CAPN7: variants seen among roughly 807,000 people sequenced by gnomAD.
CAPN7 encodes calpain 7, also known as calpain-7.
CAPN7 carries 72 observed loss-of-function variants against 115.2 expected under a neutral mutation model. That is an observed-to-expected ratio of 0.63 (90% CI 0.52 to 0.76). CAPN7 has a LOEUF of 0.76. CAPN7 is among the 30% of genes least tolerant of loss of function. The pLI, the probability that CAPN7 is intolerant of heterozygous loss-of-function variation, is 0.00. For synonymous variants in CAPN7, 344 were observed against 322.3 expected (o/e 1.07, Z -0.72); for missense variants, 905 against 971.5 (o/e 0.93, Z 0.91).
chr3:15,245,916 T>C (rs1445500655), intron 17 of CAPN7: 1 of 368,322 alleles, frequency 2.7e-6, no homozygotes, highest in Admixed American at 4.6e-5. Flanking sequence ...CGTGGTAATA[T>C]AGTATGTTGG....
intron 1 of CAPN7, among the ~76,000 whole-genome samples, chr3:15,210,167 AT>A (rs556065350): frequency 5.7e-4 from 83 of 146,510 alleles, no homozygotes; most frequent in Middle Eastern, 3.5e-3. Flanking sequence ...TACCTGGCTA[AT>A]TTTTTTTTTT....
intron 15 of CAPN7, among the ~76,000 whole-genome samples, 161 bp downstream of exon 15, chr3:15,241,749 A>G (rs1418180598): frequency 6.6e-6 from 1 of 152,198 alleles, no homozygotes; most frequent in Non-Finnish European, 1.5e-5. Flanking sequence ...GGAAATTTGT[A>G]TTTTATAATT....
chr3:15,236,031 C>T (rs1252666368), intron 12 of CAPN7, among the ~76,000 whole-genome samples: 1 of 152,100 alleles, frequency 6.6e-6, no homozygotes, highest in Admixed American at 6.6e-5. Flanking sequence ...ATTAGCTGGG[C>T]ATGGTGCCAT....
chr3:15,244,490 C>A (rs778514892), intron 16 of CAPN7, among the ~76,000 whole-genome samples: 11 of 152,166 alleles, frequency 7.2e-5, no homozygotes, highest in Non-Finnish European at 1.6e-4. Context: ...AAACCTTGTT[C>A]AAGATCCACA....
At chr3:15,230,588 T>A in intron 9 of CAPN7, 53 bp downstream of exon 9, 2 of 1,045,742 alleles carry the variant, frequency 1.9e-6, no homozygotes, top group Non-Finnish European at 3.0e-6. Context: ...GTTCCCTACC[T>A]TTGAATCTTG....
intron 9 of CAPN7, among the ~76,000 whole-genome samples, chr3:15,231,564 CTG>C (rs1370741270): frequency 2.6e-5 from 4 of 151,436 alleles, no homozygotes; most frequent in Non-Finnish European, 5.9e-5. Flanking sequence ...GAGTCTCACT[CTG>C]TCACCCAGGC....
At chr3:15,247,233 GC>G in intron 18 of CAPN7, 93 bp from the exon 19 acceptor site, 1 of 874,552 alleles carries the variant, frequency 1.1e-6, no homozygotes, top group Non-Finnish European at 1.6e-6. Context: ...GTGGAAAATT[GC>G]CTTTTTTTTT....
intron 6 of CAPN7, among the ~76,000 whole-genome samples, chr3:15,225,138 T>C (rs1467059453): frequency 6.6e-6 from 1 of 152,228 alleles, no homozygotes; most frequent in African/African-American, 2.4e-5. Context: ...TGCTGTTATA[T>C]AGCAAGCACT....
chr3:15,251,029 G>C lies in CAPN7; in HGVS notation c.2297+6G>C, dbSNP rs1346343027. The stretch of plus-strand genomic sequence containing the variant: ...AAATCTAGTGGTGACTATAGGTAAT[G>C]TTGGCATTTTTATTGTATCTATTTT... On this transcript the variant is annotated splice_donor_region_variant and intron_variant, in intron 20 of 20. Transcript: ENST00000253693. 1 of 1,608,238 alleles carries C rather than the reference G, an allele frequency of 6.2e-7. No homozygotes were observed. The highest frequency in any genetic ancestry group is 8.5e-7 in the Non-Finnish European group (1 of 1,175,678).
chr3:15,238,443 A>G (rs371693404), intron 12 of CAPN7, among the ~76,000 whole-genome samples: 2 of 151,966 alleles, frequency 1.3e-5, no homozygotes, highest in South Asian at 2.1e-4. Context: ...AAATATTTCC[A>G]TATTTGATTC....
At chr3:15,245,355 CTG>C (rs1177117707) in intron 16 of CAPN7, among the ~76,000 whole-genome samples, 169 bp from the exon 17 acceptor site, 1 of 151,912 alleles carries the variant, frequency 6.6e-6, no homozygotes, top group Non-Finnish European at 1.5e-5. Flanking sequence ...TTATTAGGAA[CTG>C]TTTAATTTTA....
In CAPN7 at chr3:15,240,589, T is replaced by C; in HGVS notation, c.1524T>C (p.Asp508=). The C allele has an allele frequency of 1.9e-6, 3 of 1,608,844 alleles. No homozygotes were observed. Among genetic ancestry groups the C allele is most frequent in the Non-Finnish European group, 2.5e-6 (3 of 1,178,658 alleles). The change falls in exon 13 of 21, where the codon GAT becomes GAC. Residue 508 remains aspartate, a synonymous_variant. Coordinates refer to ENST00000253693, the MANE Select transcript of CAPN7 (RefSeq NM_014296.3). Reference sequence around the variant, plus strand: ...AGTTGCAAAAGTATTTAAACTTTGATCCCCGAACAGCTCAGAAAATAGACA... The same window carrying C: ...AGTTGCAAAAGTATTTAAACTTTGACCCCCGAACAGCTCAGAAAATAGACA... ...TPELQKYLNF[D]PRTAQKIDNG...
intron 19 of CAPN7, among the ~76,000 whole-genome samples, 191 bp downstream of exon 19, chr3:15,247,648 G>A (rs1218344295): frequency 6.6e-6 from 1 of 152,084 alleles, no homozygotes; most frequent in Non-Finnish European, 1.5e-5. Flanking sequence ...TGTGTAAAAA[G>A]GGTAATTAGA....
intron 19 of CAPN7, among the ~76,000 whole-genome samples, chr3:15,248,244 C>T (rs2125015577): frequency 6.6e-6 from 1 of 151,838 alleles, no homozygotes; most frequent in South Asian, 2.1e-4. Flanking sequence ...TCCAGATGGC[C>T]AGTAAACCAT....
intron 6 of CAPN7, among the ~76,000 whole-genome samples, chr3:15,224,032 C>G (rs1241665664): frequency 6.6e-6 from 1 of 152,068 alleles, no homozygotes; most frequent in African/African-American, 2.4e-5. Flanking sequence ...TTCAGGAGTC[C>G]GAGCTTGTAG....
Position 15,223,553 on chromosome 3 carries a change from G to A in CAPN7, c.717G>A (p.Met239Ile). The part of the protein sequence containing the change: ...VDLRERFAYP[M>I]PFCDRWGKLP... Reference sequence around the variant, plus strand: ...TGAGAGAACGTTTTGCCTATCCAATGCCTTTCTGGTAAGTAAGCACTGTTG... The same window carrying A: ...TGAGAGAACGTTTTGCCTATCCAATACCTTTCTGGTAAGTAAGCACTGTTG... Residue 239 changes from methionine to isoleucine, a missense_variant, in exon 6 of 21, where the codon ATG (methionine) becomes ATA (isoleucine). By Grantham distance (10) the Met-to-Ile change is conservative (BLOSUM62 1). Coordinates refer to ENST00000253693, the MANE Select transcript of CAPN7 (RefSeq NM_014296.3). 6.3e-7 allele frequency: 1 copy of A among 1,592,104 alleles called. No homozygotes were observed.
At chr3:15,248,313 G>C (rs1434604285) in intron 19 of CAPN7, among the ~76,000 whole-genome samples, 1 of 152,124 alleles carries the variant, frequency 6.6e-6, no homozygotes, top group Non-Finnish European at 1.5e-5. Flanking sequence ...TTATAATATA[G>C]TCATATAATA....
intron 13 of CAPN7, 41 bp from the exon 14 acceptor site, chr3:15,240,713 C>T: frequency 6.4e-7 from 1 of 1,562,370 alleles, no homozygotes; most frequent in South Asian, 1.2e-5. Context: ...AATCATTTAG[C>T]ATTAAGATTT....
In CAPN7 at chr3:15,233,875, T is replaced by G. The variant is rs749574874; in HGVS notation, c.1188T>G (p.Asp396Glu). 6.3e-7 allele frequency: 1 copy of G among 1,581,154 alleles called. No homozygotes were observed. Among genetic ancestry groups the G allele is most frequent in the Non-Finnish European group, 8.7e-7 (1 of 1,151,840 alleles). The change falls in exon 11 of 21, where the codon GAT (aspartate) becomes GAG (glutamate). Residue 396 changes from aspartate to glutamate, a missense_variant. By Grantham distance (45) the Asp-to-Glu change is conservative. Around this residue, in one of 3 missense-constraint regions of CAPN7, gnomAD observed 620 missense variants for 703.4 expected, o/e 0.88. Transcript: ENST00000253693. ...ATGTGTTTCTGTTGCAGAATATTGA[T>G]CTTCATGCACTGACTGGCTGGATAC... ...YDFPGSNSNI[D>E]LHALTGWIPE...
Sources: gnomAD v4.1 joint callset for allele counts (sites outside exome capture counted in the v4.1 genomes callset) on GRCh38, gnomAD v4.1.1 for gene constraint, gnomAD v4.1.1 regional missense constraint, MANE v1.5 for transcripts, NCBI Gene and HGNC (gene_info 2026-07-23, HGNC 2026-07-21) for gene names.